The following CUBN variants were observed in gnomAD, a reference collection of about 807,000 sequenced individuals.
The protein encoded by CUBN is 460 kDa receptor.
A neutral mutation model predicts 405.3 loss-of-function variants in CUBN; 282 were observed. The observed-to-expected ratio is 0.70, with a 90% CI of 0.63 to 0.77. The LOEUF (loss-of-function observed/expected upper bound fraction) is 0.77. Ranked by LOEUF, CUBN falls within the 30% of genes least tolerant of loss-of-function variation. CUBN has a pLI of 0.00. For missense variants in CUBN, 4,514 were observed against 4,475.2 expected (o/e 1.01, Z -0.25); for synonymous variants, 1,684 against 1,617.0 (o/e 1.04, Z -0.99).
At chr10:17,012,011 G>C (rs1267887497) in intron 28 of CUBN, among the ~76,000 whole-genome samples, 1 of 152,180 alleles carries the variant, frequency 6.6e-6, no homozygotes, top group Non-Finnish European at 1.5e-5. Flanking sequence ...GCTGGATAGG[G>C]GCAAAGAAGG....
Position 16,991,790 on chromosome 10 carries a change from G to T in CUBN, c.4169-1275C>A, listed in dbSNP as rs530155539. ...AAATAGGAACACTTTTACACTGTTG[G>T]TGGGACTGTAAACTAGTTCAACCAT... is the stretch of plus-strand genomic sequence containing the variant. On this transcript the variant is annotated intron_variant, in intron 28 of 66. Coordinates refer to ENST00000377833, the MANE Select transcript of CUBN (RefSeq NM_001081.4). Among the ~76,000 whole-genome samples, 6 of 152,246 alleles carry T rather than the reference G, an allele frequency of 3.9e-5. No homozygotes were observed. In the South Asian group the frequency reaches 8.3e-4, roughly 21 times the overall value.
chr10:17,097,806 A>G (rs1490659162), intron 14 of CUBN, among the ~76,000 whole-genome samples: 1 of 152,224 alleles, frequency 6.6e-6, no homozygotes, highest in Admixed American at 6.5e-5. Flanking sequence ...AGTATTTTAT[A>G]TGTTTCAACA....
chr10:16,890,590 T>C, intron 54 of CUBN, 63 bp from the exon 55 acceptor site: 1 of 1,561,146 alleles, frequency 6.4e-7, no homozygotes, highest in Non-Finnish European at 8.8e-7. Flanking sequence ...TTAATGCACT[T>C]AGGTTTCAAA....
At chr10:16,979,332 G>GA (rs1277201761) in intron 31 of CUBN, among the ~76,000 whole-genome samples, 5 of 151,670 alleles carry the variant, frequency 3.3e-5, no homozygotes, top group African/African-American at 9.7e-5. Context: ...CACGGAATTA[G>GA]AAAAAAAACT....
At chr10:16,874,598 C>A in intron 57 of CUBN, 95 bp from the exon 58 acceptor site, 11 of 1,459,784 alleles carry the variant, frequency 7.5e-6, no homozygotes, top group Non-Finnish European at 1.0e-5. Context: ...TACATTTTTC[C>A]CTAAAAGAGG....
chr10:17,051,229 T>C (rs200998247), intron 22 of CUBN, among the ~76,000 whole-genome samples: 1 of 151,836 alleles, frequency 6.6e-6, no homozygotes, highest in East Asian at 1.9e-4. Flanking sequence ...GGTGTGGTGG[T>C]GGGCGCCTGT....
Position 16,947,308 on chromosome 10 carries a change from T to A in CUBN, c.5269A>T (p.Ile1757Phe). ...ACACATTCCACATTAGGGGGATAAATGTCTGGGTAGCCAGGGCTGTTGAAG... is the reference window on the plus strand; with the variant it reads ...ACACATTCCACATTAGGGGGATAAAAGTCTGGGTAGCCAGGGCTGTTGAAG... ...GIFNSPGYPD[I>F]YPPNVECVWN... The change falls in exon 36 of 67, where the codon ATT becomes TTT. Residue 1757 changes from isoleucine to phenylalanine, a missense_variant. Ile to Phe is a conservative substitution (Grantham distance 21). Coordinates refer to ENST00000377833, the MANE Select transcript of CUBN (RefSeq NM_001081.4). 1 of 1,614,066 alleles carries A rather than the reference T, an allele frequency of 6.2e-7. No individual in the cohort carries two copies. The highest frequency in any genetic ancestry group is 8.5e-7 in the Non-Finnish European group (1 of 1,179,980).
intron 14 of CUBN, among the ~76,000 whole-genome samples, chr10:17,092,006 G>A (rs1836268998): frequency 6.6e-6 from 1 of 151,902 alleles, no homozygotes; most frequent in African/African-American, 2.4e-5. Flanking sequence ...ATTCTTTCTT[G>A]TGAAAGGTCC....
intron 25 of CUBN, 51 bp from the exon 26 acceptor site, chr10:17,044,034 T>C (rs1448236154): frequency 6.9e-7 from 1 of 1,444,672 alleles, no homozygotes; most frequent in South Asian, 1.1e-5. Context: ...AAACATTATG[T>C]AAAGGACTAT....
At chr10:17,006,538 G>A (rs552211172) in intron 28 of CUBN, among the ~76,000 whole-genome samples, 5 of 152,242 alleles carry the variant, frequency 3.3e-5, no homozygotes, top group South Asian at 4.2e-4. Flanking sequence ...GAATTCCCCC[G>A]AAAGACCAGT....
At chr10:17,044,052 A>G in intron 25 of CUBN, 69 bp from the exon 26 acceptor site, 2 of 1,176,756 alleles carry the variant, frequency 1.7e-6, no homozygotes, top group South Asian at 2.7e-5. Flanking sequence ...TATAATCCAG[A>G]AGAAGTGAGG....
intron 22 of CUBN, among the ~76,000 whole-genome samples, chr10:17,065,137 C>CG (rs1225156734): frequency 7.1e-6 from 1 of 141,806 alleles, no homozygotes; most frequent in Non-Finnish European, 1.5e-5. Flanking sequence ...TCTCCCCCCC[C>CG]CCCCACACAC....
chr10:16,828,965 G>C lies in CUBN; in HGVS notation c.10604C>G (p.Thr3535Arg). 6.2e-7 allele frequency: 1 copy of C among 1,614,144 alleles called. No homozygotes were observed. Among genetic ancestry groups the C allele is most frequent in the Non-Finnish European group, 8.5e-7 (1 of 1,180,018 alleles). The change falls in exon 66 of 67, where the codon ACG becomes AGG. Residue 3535 changes from threonine to arginine, a missense_variant. By Grantham distance (71) the Thr-to-Arg change is moderately conservative. Around this residue, in one of 5 missense-constraint regions of CUBN, gnomAD observed 1,186 missense variants for 1,186.9 expected, o/e 1.00. Coordinates refer to ENST00000377833, the MANE Select transcript of CUBN (RefSeq NM_001081.4). ...AGCAACAAGGACCCACTCGCAGTACGTGTTGTTTGGGTATGTGCCTGGATA... is the reference window on the plus strand; with the variant it reads ...AGCAACAAGGACCCACTCGCAGTACCTGTTGTTTGGGTATGTGCCTGGATA... ...PGYPGTYPNNTYCEWVLVAPA... is the reference protein window; with the variant it reads ...PGYPGTYPNNRYCEWVLVAPA...
At chr10:16,984,079 T>TTA (rs1246745555) in intron 30 of CUBN, 26 bp downstream of exon 30, 5 of 1,613,658 alleles carry the variant, frequency 3.1e-6, no homozygotes, top group Non-Finnish European at 4.2e-6. Flanking sequence ...CTTAAGTACT[T>TTA]TAGGAAACCT....
At chr10:17,065,384 T>C in intron 22 of CUBN, 124 bp downstream of exon 22, 3 of 1,239,236 alleles carry the variant, frequency 2.4e-6, no homozygotes, top group Non-Finnish European at 2.4e-6. Context: ...CTACCCTTTA[T>C]TCTAAATATA....
At chr10:16,991,069 A>C (rs1448946521) in intron 28 of CUBN, among the ~76,000 whole-genome samples, 1 of 152,224 alleles carries the variant, frequency 6.6e-6, no homozygotes, top group Non-Finnish European at 1.5e-5. Context: ...TTACATTAAA[A>C]AAAATACAAT....
In CUBN at chr10:16,889,953, A is replaced by AAAAAAAAAG. The variant is rs57009841; in HGVS notation, c.8755+417_8755+418insCTTTTTTTT. ...GCCGTGTCAAAAAAAAAAAAAAAAA[A>AAAAAAAAAG]CAGGAAAGACTTCGTCATGGAAATT... On this transcript the variant is annotated intron_variant, in intron 55 of 66. Transcript: ENST00000377833. Among the ~76,000 whole-genome samples, 12 of 118,010 alleles carry AAAAAAAAAG rather than the reference A, an allele frequency of 1.0e-4. 3 individuals are homozygous for AAAAAAAAAG. Among genetic ancestry groups the AAAAAAAAAG allele is most frequent in the African/African-American group, 3.4e-4 (8 of 23,834 alleles). The allele number at this position is 118,010 out of a possible 152,430, so 77.4% of individuals were successfully genotyped here. A position where few individuals can be genotyped will look rare whatever the true frequency, so the allele number is the denominator to read the frequency against.
At chr10:17,025,508 A>G (rs1008146435) in intron 27 of CUBN, among the ~76,000 whole-genome samples, 22 of 152,246 alleles carry the variant, frequency 1.4e-4, no homozygotes, top group Non-Finnish European at 2.1e-4. Flanking sequence ...TGTTGCCAAC[A>G]GCAAATGAGA....
intron 14 of CUBN, among the ~76,000 whole-genome samples, chr10:17,093,309 G>T (rs1445609168): frequency 6.6e-6 from 1 of 152,140 alleles, no homozygotes; most frequent in African/African-American, 2.4e-5. Context: ...GGGGAGGGAA[G>T]TTGCTAAGAA....
Sources: allele counts gnomAD v4.1 joint callset (sites outside exome capture counted in the v4.1 genomes callset), GRCh38; gene constraint gnomAD v4.1.1; regional missense constraint gnomAD v4.1.1; transcripts MANE v1.5; gene names NCBI Gene and HGNC (gene_info 2026-07-23, HGNC 2026-07-21).